FBRSL1: variants seen among roughly 807,000 people sequenced by gnomAD.
The protein encoded by FBRSL1 is fibrosin like 1, also known as fibrosin-1-like protein.
In FBRSL1, 51 loss-of-function variants were observed where a neutral mutation model predicts 89.6. That is an observed-to-expected ratio of 0.57 (90% CI 0.45 to 0.72). The LOEUF (loss-of-function observed/expected upper bound fraction) is 0.72. Among genes scored for constraint, FBRSL1 ranks in the 30% least tolerant of loss-of-function variants. The probability of loss-of-function intolerance (pLI) is 0.00; values close to 1 mark genes in which losing one functional copy is unlikely to be tolerated. For synonymous variants in FBRSL1, 779 were observed against 681.1 expected (o/e 1.14, Z -2.24); for missense variants, 1,618 against 1,451.8 (o/e 1.11, Z -1.86).
chr12:132,582,209 T>A lies in FBRSL1; in HGVS notation c.2144T>A (p.Val715Glu). The A allele has an allele frequency of 6.5e-7, 1 of 1,550,118 alleles. No homozygotes were observed. The highest frequency in any genetic ancestry group is 8.7e-7 in the Non-Finnish European group (1 of 1,146,860). Residue 715 changes from valine (V) to glutamate (E), a missense_variant, in exon 18 of 19, where the codon GTG becomes GAG. Transcript: ENST00000680143. Reference protein sequence around the residue: ...PWPKSVDAERVSALTNHDREP... With the variant: ...PWPKSVDAERESALTNHDREP... ...CCCAAGTCCGTGGACGCGGAGCGGG[T>A]GTCAGCCCTGACCAACCATGACCGA...
intron 2 of FBRSL1, chr12:132,510,531 C>A: frequency 8.1e-7 from 1 of 1,231,554 alleles, no homozygotes. Flanking sequence ...GCCAAGGCCG[C>A]ATTGCCCTTC....
intron 2 of FBRSL1, among the ~76,000 whole-genome samples, chr12:132,512,211 G>A (rs573961604): frequency 2.6e-5 from 4 of 152,356 alleles, no homozygotes; most frequent in South Asian, 2.1e-4. Flanking sequence ...GACAGGGGTC[G>A]AGACCCCCCT....
chr12:132,536,160 A>G (rs1396661171), intron 4 of FBRSL1, among the ~76,000 whole-genome samples: 1 of 60,924 alleles, frequency 1.6e-5, no homozygotes, highest in Non-Finnish European at 3.0e-5. Context: ...GCACGTGTGC[A>G]TGACTGTGTA....
chr12:132,500,396 AG>A (rs1257465971), intron 1 of FBRSL1, among the ~76,000 whole-genome samples: 2 of 152,134 alleles, frequency 1.3e-5, no homozygotes, highest in African/African-American at 2.4e-5. Flanking sequence ...CGAGTGGCTG[AG>A]CAGGATCAGA....
chr12:132,502,640 C>G lies in FBRSL1; in HGVS notation c.292-5513C>G, dbSNP rs1447369296. Among the ~76,000 whole-genome samples, 3 of 152,138 alleles carry G rather than the reference C, an allele frequency of 2.0e-5. No homozygotes were observed. In the South Asian group the frequency reaches 6.2e-4, roughly 32 times the overall value. On this transcript the variant is annotated intron_variant, in intron 1 of 18. Transcript: ENST00000680143. ...GCTGGACTGGAACCCTGGGATAAAA[C>G]CAGGGCCAAGCAGTAGCTCCACTGC...
chr12:132,545,882 G>A (rs2037646352), intron 4 of FBRSL1, among the ~76,000 whole-genome samples: 1 of 152,188 alleles, frequency 6.6e-6, no homozygotes, highest in Admixed American at 6.5e-5. Flanking sequence ...GGCCTCACTG[G>A]GGGTCCCCAG....
chr12:132,512,529 G>A (rs756268485), intron 2 of FBRSL1, among the ~76,000 whole-genome samples: 14 of 152,354 alleles, frequency 9.2e-5, no homozygotes, highest in Non-Finnish European at 1.6e-4. Flanking sequence ...CCCCGCAGAG[G>A]GGCTGAAGTT....
chr12:132,571,656 C>T, intron 9 of FBRSL1: 1 of 607,490 alleles, frequency 1.6e-6, no homozygotes, highest in Non-Finnish European at 2.4e-6. Flanking sequence ...ACCTCTCTGT[C>T]GTCTGTCCGG....
At chr12:132,575,001 C>T (rs1352340181) in intron 14 of FBRSL1, among the ~76,000 whole-genome samples, 1 of 151,826 alleles carries the variant, frequency 6.6e-6, no homozygotes, top group African/African-American at 2.4e-5. Flanking sequence ...CTGAGGAAGG[C>T]GGGAGCCCCG....
chr12:132,507,745 G>A, intron 1 of FBRSL1, among the ~76,000 whole-genome samples: 1 of 152,136 alleles, frequency 6.6e-6, no homozygotes, highest in East Asian at 1.9e-4. Context: ...TTCTTGTGGG[G>A]CCTGGGTGTC....
intron 3 of FBRSL1, among the ~76,000 whole-genome samples, chr12:132,527,011 C>G (rs1680099663): frequency 6.6e-6 from 1 of 152,142 alleles, no homozygotes; most frequent in South Asian, 2.1e-4. Flanking sequence ...GGATCCCCAC[C>G]AGAGGTGTGG....
chr12:132,528,810 C>T (rs1412061230), intron 4 of FBRSL1, among the ~76,000 whole-genome samples: 9 of 151,514 alleles, frequency 5.9e-5, no homozygotes, highest in Non-Finnish European at 1.0e-4. Context: ...CGTGCCTCCC[C>T]GTGGGTACAC....
At position 132,581,756 on chromosome 12, in the gene FBRSL1, C is replaced by T. The variant is rs780218562; in HGVS notation, c.1928C>T (p.Pro643Leu). 58 of 1,550,004 alleles carry T rather than the reference C, an allele frequency of 3.7e-5. No homozygotes were observed. The highest frequency in any genetic ancestry group is 3.4e-4 in the South Asian group (29 of 84,064). The change falls in exon 17 of 19, where the codon CCG (proline) becomes CTG (leucine). Residue 643 changes from proline to leucine, a missense_variant. By Grantham distance (98) the Pro-to-Leu change is moderately conservative. Transcript: ENST00000680143. ...TGPLTDPFSRPSTFGGLGSLS... is the reference protein window; with the variant it reads ...TGPLTDPFSRLSTFGGLGSLS... ...GCCCCCACAGACCCTTTCAGCAGACCGAGCACCTTTGGGGGCCTGGGCAGC... is the reference window on the plus strand; with the variant it reads ...GCCCCCACAGACCCTTTCAGCAGACTGAGCACCTTTGGGGGCCTGGGCAGC...
Position 132,567,501 on chromosome 12 carries a change from G to A in FBRSL1, c.666G>A (p.Lys222=), listed in dbSNP as rs1474001258. Residue 222 remains lysine (K), a synonymous_variant, in exon 6 of 19, where the codon AAG becomes AAA. Coordinates refer to ENST00000680143, the MANE Select transcript of FBRSL1 (RefSeq NM_001367871.1). ...PDDKASVGSE[K]LFAPGTDKGP... ...TCCAGGCATCCGTGGGCTCTGAGAA[G>A]CTCTTTGCGCCGGGAACCGATAAAG... 4 of 1,551,026 alleles carry A rather than the reference G, an allele frequency of 2.6e-6. No individual in the cohort carries two copies. The Admixed American group carries it at 5.9e-5, about 23-fold the overall frequency.
At chr12:132,522,094 G>A (rs563592998) in intron 2 of FBRSL1, among the ~76,000 whole-genome samples, 110 of 152,204 alleles carry the variant, frequency 7.2e-4, no homozygotes, top group African/African-American at 2.4e-3. Context: ...CAGCCGGCGC[G>A]GCCCCTCAGC....
At chr12:132,578,172 AAAG>A (rs1440562076) in intron 15 of FBRSL1, among the ~76,000 whole-genome samples, 3 of 152,216 alleles carry the variant, frequency 2.0e-5, no homozygotes, top group African/African-American at 7.2e-5. Flanking sequence ...CCACTAGAGA[AAAG>A]AAAACCTTAT....
At chr12:132,524,904 G>A (rs547180048) in intron 2 of FBRSL1, among the ~76,000 whole-genome samples, 1 of 152,342 alleles carries the variant, frequency 6.6e-6, no homozygotes, top group East Asian at 1.9e-4. Context: ...CACTTAACCT[G>A]TCTGCGCCTC....
intron 5 of FBRSL1, among the ~76,000 whole-genome samples, chr12:132,560,728 C>T (rs1273884762): frequency 6.6e-6 from 1 of 152,188 alleles, no homozygotes; most frequent in Non-Finnish European, 1.5e-5. Flanking sequence ...GAGGCTTGCC[C>T]GGGCGCCCCC....
intron 1 of FBRSL1, among the ~76,000 whole-genome samples, chr12:132,506,192 TG>T (rs1238697270): frequency 7.8e-6 from 1 of 127,854 alleles, no homozygotes; most frequent in African/African-American, 3.0e-5. Context: ...GGTGTGACTG[TG>T]GCCGGGGTGG....
Sources: allele counts gnomAD v4.1 joint callset (sites outside exome capture counted in the v4.1 genomes callset), GRCh38; gene constraint gnomAD v4.1.1; transcripts MANE v1.5; gene names NCBI Gene and HGNC (gene_info 2026-07-23, HGNC 2026-07-21).